RGS7: variants seen among roughly 807,000 people sequenced by gnomAD.
RGS7 encodes the protein regulator of G protein signaling 7.
RGS7 carries 27 observed loss-of-function variants against 81.1 expected under a neutral mutation model. The ratio of observed to expected loss-of-function variants is 0.33; its 90% CI spans 0.25 to 0.46. The LOEUF is 0.46. RGS7 is among the 20% of genes least tolerant of loss of function. The pLI is 1.00. For synonymous variants in RGS7, 208 were observed against 207.7 expected, an observed-to-expected ratio of 1.00 and a Z score of -0.01; for missense variants, 396 against 607.4, an observed-to-expected ratio of 0.65 and a Z score of 3.66.
intron 3 of RGS7, among the ~76,000 whole-genome samples, chr1:241,006,123 T>TA (rs35721095): frequency 0.15 from 22,247 of 151,488 alleles, 1,784 homozygotes; most frequent in Middle Eastern, 0.24. Flanking sequence ...AAGGTTAGGA[T>TA]AAAAAAAAAC....
chr1:241,177,006 T>C (rs781541391), intron 2 of RGS7, among the ~76,000 whole-genome samples: 1 of 152,222 alleles, frequency 6.6e-6, no homozygotes, highest in African/African-American at 2.4e-5. Context: ...AAACTGTTTA[T>C]GCAAGAAGCA....
chr1:240,807,411 G>A (rs1179802220), intron 14 of RGS7, among the ~76,000 whole-genome samples: 2 of 152,164 alleles, frequency 1.3e-5, no homozygotes, highest in African/African-American at 2.4e-5. Context: ...GGGCCACAGA[G>A]ACAGCAAACT....
intron 6 of RGS7, among the ~76,000 whole-genome samples, chr1:240,898,517 T>C (rs1669460246): frequency 6.6e-6 from 1 of 152,224 alleles, no homozygotes; most frequent in Non-Finnish European, 1.5e-5. Flanking sequence ...AACATCTTTA[T>C]TTCTGCCTTC....
intron 2 of RGS7, among the ~76,000 whole-genome samples, chr1:241,233,082 C>G (rs780666577): frequency 6.6e-6 from 1 of 152,062 alleles, no homozygotes; most frequent in Non-Finnish European, 1.5e-5. Context: ...CCCCAGCACC[C>G]GTAAGTCAGA....
At chr1:241,044,321 G>A (rs1373404621) in intron 3 of RGS7, among the ~76,000 whole-genome samples, 1 of 152,010 alleles carries the variant, frequency 6.6e-6, no homozygotes, top group Non-Finnish European at 1.5e-5. Context: ...AATTGGCCAG[G>A]CTGGTCTCAA....
intron 3 of RGS7, among the ~76,000 whole-genome samples, chr1:241,089,063 C>CTCTCTCTCTCTCTCTATA (rs1374552672): frequency 8.4e-5 from 2 of 23,684 alleles, no homozygotes; most frequent in African/African-American, 4.6e-4. Context: ...CTCTCTCTCT[C>CTCTCTCTCTCTCTCTATA]TATATATATA....
rs75010866 is a variant in RGS7 at position 240,857,726 on chromosome 1, T to C, written c.609+10861A>G. Among the ~76,000 whole-genome samples, 697 of 152,280 alleles carry C rather than the reference T, an allele frequency of 4.6e-3. 7 individuals carry two copies. The highest frequency in any genetic ancestry group is 0.016 in the African/African-American group (666 of 41,562). Reference sequence around the variant, plus strand: ...CTTGATAGCTCATCCCATTCTATCATTGAAAAACATTCTGATATGGTTTGG... The same window carrying C: ...CTTGATAGCTCATCCCATTCTATCACTGAAAAACATTCTGATATGGTTTGG... On this transcript the variant is annotated intron_variant, in intron 9 of 18. Transcript: ENST00000440928.
At chr1:240,812,289 T>G (rs552493797) in intron 13 of RGS7, among the ~76,000 whole-genome samples, 64 of 152,196 alleles carry the variant, frequency 4.2e-4, no homozygotes, top group Non-Finnish European at 7.8e-4. Flanking sequence ...TTTTTGTTTT[T>G]GCCAACCACT....
intron 2 of RGS7, among the ~76,000 whole-genome samples, chr1:241,112,160 A>T (rs1342807660): frequency 6.6e-6 from 1 of 152,214 alleles, no homozygotes; most frequent in South Asian, 2.1e-4. Flanking sequence ...GAGATGAAAC[A>T]TGAGGACTTT....
intron 6 of RGS7, among the ~76,000 whole-genome samples, chr1:240,917,914 A>C (rs1440436617): frequency 6.6e-6 from 1 of 152,206 alleles, no homozygotes; most frequent in African/African-American, 2.4e-5. Flanking sequence ...AGGATGAGGA[A>C]AGATATGCCA....
intron 9 of RGS7, among the ~76,000 whole-genome samples, chr1:240,842,219 GACAGAGTCTCACTC>G (rs1485104511): frequency 6.6e-5 from 1 of 15,100 alleles, no homozygotes; most frequent in Non-Finnish European, 2.0e-4. Flanking sequence ...TTTTTTTTGA[GACAGAGTCTCACTC>G]TGTCACCCAG....
At chr1:241,298,210 C>T (rs2079536226) in intron 2 of RGS7, among the ~76,000 whole-genome samples, 1 of 151,418 alleles carries the variant, frequency 6.6e-6, no homozygotes, top group African/African-American at 2.5e-5. Flanking sequence ...ATCACAACGC[C>T]CAACTACTAA....
chr1:241,306,691 A>G (rs936513415), intron 2 of RGS7, among the ~76,000 whole-genome samples: 4 of 151,590 alleles, frequency 2.6e-5, no homozygotes, highest in African/African-American at 9.7e-5. Context: ...ACACACTCTT[A>G]CACACACATA....
rs576410824 is a variant in RGS7 at position 240,818,048 on chromosome 1, C to T, written c.685-1633G>A. ...CCACCAGAACCTTGGAACCCAATTC[C>T]CATCACTGAGGATATCCATTTCTTT... is the stretch of plus-strand genomic sequence containing the variant. On this transcript the variant is annotated intron_variant, in intron 10 of 18. Transcript: ENST00000440928. Among the ~76,000 whole-genome samples, 5 of 152,284 alleles carry T rather than the reference C, an allele frequency of 3.3e-5. No individual in the cohort carries two copies. The East Asian group carries it at 9.6e-4, about 29-fold the overall frequency.
At chr1:241,206,198 C>T (rs561360563) in intron 2 of RGS7, among the ~76,000 whole-genome samples, 18 of 151,122 alleles carry the variant, frequency 1.2e-4, no homozygotes, top group Non-Finnish European at 2.1e-4. Context: ...TACCCAGTTA[C>T]GATCCATTTG....
chr1:240,905,238 G>A (rs1413977955), intron 6 of RGS7, among the ~76,000 whole-genome samples: 1 of 152,096 alleles, frequency 6.6e-6, no homozygotes, highest in African/African-American at 2.4e-5. Flanking sequence ...CATGAATCCA[G>A]CAATAACTAA....
At chr1:240,920,896 T>C (rs1673415565) in intron 6 of RGS7, among the ~76,000 whole-genome samples, 1 of 152,008 alleles carries the variant, frequency 6.6e-6, no homozygotes, top group Admixed American at 6.6e-5. Flanking sequence ...TTTTCACCCA[T>C]GCTGTTGATT....
intron 2 of RGS7, among the ~76,000 whole-genome samples, chr1:241,231,634 C>T (rs1462194516): frequency 1.3e-5 from 2 of 152,010 alleles, no homozygotes; most frequent in Non-Finnish European, 1.5e-5. Context: ...GCTGGGATTA[C>T]AGGCGTGAGC....
chr1:241,177,846 A>G (rs1285799455), intron 2 of RGS7, among the ~76,000 whole-genome samples: 2 of 151,510 alleles, frequency 1.3e-5, no homozygotes. Flanking sequence ...AACTGATTGG[A>G]AAGTGTCATT....
Sources: gnomAD v4.1 joint callset for allele counts (sites outside exome capture counted in the v4.1 genomes callset) on GRCh38, gnomAD v4.1.1 for gene constraint, MANE v1.5 for transcripts, NCBI Gene and HGNC (gene_info 2026-07-23, HGNC 2026-07-21) for gene names.